Variants in ADGRA3 observed in about 807,000 individuals in gnomAD.
The protein encoded by ADGRA3 is adhesion G protein-coupled receptor A3, also known as G-protein coupled receptor 125.
In ADGRA3, 56 loss-of-function variants were observed where a neutral mutation model predicts 119.8. The observed-to-expected ratio is 0.47, with a 90% CI of 0.38 to 0.58. ADGRA3 has a LOEUF of 0.58. Ranked by LOEUF, ADGRA3 falls within the 20% of genes least tolerant of loss-of-function variation. The probability of loss-of-function intolerance (pLI) is 0.00; values close to 1 mark genes in which losing one functional copy is unlikely to be tolerated. For missense variants in ADGRA3, 1,516 were observed against 1,649.0 expected (o/e 0.92, Z 1.40); for synonymous variants, 607 against 623.8 (o/e 0.97, Z 0.40).
At chr4:22,427,536 A>AT (rs1467124782) in intron 10 of ADGRA3, among the ~76,000 whole-genome samples, 1 of 152,160 alleles carries the variant, frequency 6.6e-6, no homozygotes, top group Admixed American at 6.5e-5. Flanking sequence ...AGAACAAGCT[A>AT]TTTTTCTCAT....
intron 4 of ADGRA3, among the ~76,000 whole-genome samples, chr4:22,449,021 G>A (rs1218222645): frequency 6.6e-6 from 1 of 151,944 alleles, no homozygotes; most frequent in African/African-American, 2.4e-5. Context: ...TATAATCTCA[G>A]CAATTTGGGA....
At chr4:22,394,460 TTA>T (rs1235780407) in intron 16 of ADGRA3, 1 of 152,148 alleles carries the variant, frequency 6.6e-6, no homozygotes, top group African/African-American at 2.4e-5. Flanking sequence ...AAAGCAAAAT[TTA>T]TAGACAGAAG....
intron 9 of ADGRA3, 33 bp downstream of exon 9, chr4:22,436,407 C>A (rs373089484): frequency 6.5e-7 from 1 of 1,546,230 alleles, no homozygotes; most frequent in African/African-American, 1.4e-5. Context: ...GTTTTCTCCA[C>A]AACCCAAGTA....
chr4:22,390,766 T>C (rs1268369637), intron 17 of ADGRA3, among the ~76,000 whole-genome samples: 1 of 152,108 alleles, frequency 6.6e-6, no homozygotes, highest in Non-Finnish European at 1.5e-5. Flanking sequence ...GATACTTGTG[T>C]GTCATTTGGG....
intron 14 of ADGRA3, 87 bp downstream of exon 14, chr4:22,413,095 A>C (rs1715278865): frequency 4.7e-6 from 5 of 1,069,164 alleles, no homozygotes; most frequent in South Asian, 1.5e-5. Flanking sequence ...AAAAAAACAA[A>C]AAACAAAAAA....
At chr4:22,389,714 C>CA (rs1714030537) in intron 17 of ADGRA3, among the ~76,000 whole-genome samples, 2 of 152,218 alleles carry the variant, frequency 1.3e-5, no homozygotes, top group South Asian at 2.1e-4. Context: ...AGCAGCTTCA[C>CA]AGAGTGCAGA....
chr4:22,462,377 G>A (rs976552801), intron 2 of ADGRA3, among the ~76,000 whole-genome samples: 8 of 152,198 alleles, frequency 5.3e-5, no homozygotes, highest in Non-Finnish European at 5.9e-5. Flanking sequence ...GCAGTGGCGT[G>A]ATCCTGACTC....
intron 1 of ADGRA3, among the ~76,000 whole-genome samples, chr4:22,499,254 C>T (rs1038747715): frequency 6.6e-6 from 1 of 152,138 alleles, no homozygotes; most frequent in Non-Finnish European, 1.5e-5. Context: ...TACACGTTAG[C>T]AATGTTGTTA....
chr4:22,396,756 G>A (rs1207515846), intron 16 of ADGRA3, among the ~76,000 whole-genome samples: 3 of 82,570 alleles, frequency 3.6e-5, no homozygotes, highest in Non-Finnish European at 8.0e-5. Flanking sequence ...ACAATGAAAC[G>A]TCTAGACTTG....
intron 2 of ADGRA3, among the ~76,000 whole-genome samples, chr4:22,463,213 A>G (rs1717535400): frequency 6.6e-6 from 1 of 152,182 alleles, no homozygotes; most frequent in Non-Finnish European, 1.5e-5. Context: ...AGCTTCCAAC[A>G]CTATTCTTCA....
chr4:22,502,230 C>A (rs1719071445), intron 1 of ADGRA3, among the ~76,000 whole-genome samples: 1 of 152,126 alleles, frequency 6.6e-6, no homozygotes, highest in Non-Finnish European at 1.5e-5. Context: ...TTGCCAAATG[C>A]AATAATTAGT....
At chr4:22,432,539 C>T (rs374182086) in intron 10 of ADGRA3, among the ~76,000 whole-genome samples, 1 of 152,046 alleles carries the variant, frequency 6.6e-6, no homozygotes, top group Non-Finnish European at 1.5e-5. Flanking sequence ...TAGTGTAAGG[C>T]GCATATCGCA....
chr4:22,388,133 G>A lies in ADGRA3; in HGVS notation c.3538C>T (p.Arg1180Trp), dbSNP rs753338561. 12 of 1,613,926 alleles carry A rather than the reference G, an allele frequency of 7.4e-6. No homozygotes were observed. Among genetic ancestry groups the A allele is most frequent in the Admixed American group, 5.0e-5 (3 of 59,992 alleles). Residue 1180 changes from arginine to tryptophan, a missense_variant, in exon 19 of 19, where the codon CGG becomes TGG. Arg to Trp is a moderately radical substitution (Grantham distance 101, BLOSUM62 -3). This residue lies in a region of ADGRA3 where 1,088 missense variants were observed against 1,107.1 expected (regional missense o/e 0.98). Coordinates refer to ENST00000334304, the MANE Select transcript of ADGRA3 (RefSeq NM_145290.4). Reference sequence around the variant, plus strand: ...CTCAGGACTGTGAGTCGGCTTGCCCGGTGTCCTTTACTTCTGTTTTTATGG... The same window carrying A: ...CTCAGGACTGTGAGTCGGCTTGCCCAGTGTCCTTTACTTCTGTTTTTATGG... Reference protein sequence around the residue: ...RHHKNRSKGHRASRLTVLREY... With the variant: ...RHHKNRSKGHWASRLTVLREY...
Position 22,473,854 on chromosome 4 carries a change from C to G in ADGRA3, c.258-11G>C. 1 of 1,566,546 alleles carries G rather than the reference C, an allele frequency of 6.4e-7. No individual in the cohort carries two copies. The highest frequency in any genetic ancestry group is 8.7e-7 in the Non-Finnish European group (1 of 1,143,506). On this transcript the variant is annotated splice_polypyrimidine_tract_variant and intron_variant, in intron 1 of 18. Transcript: ENST00000334304. ...TTGTTACTCAGAATCCTAAAAAATA[C>G]CAAAAAAATAATAAGTTGCCTAATA...
Position 22,495,835 on chromosome 4 carries a change from A to G in ADGRA3, c.257+19693T>C, listed in dbSNP as rs144864108. On this transcript the variant is annotated intron_variant, in intron 1 of 18. Coordinates refer to ENST00000334304, the MANE Select transcript of ADGRA3 (RefSeq NM_145290.4). Reference sequence around the variant, plus strand: ...GAGGCAGGAGAATGGCGTGAACCCGAGAGGCGGAGCTTGCAGTGAACAGAG... The same window carrying G: ...GAGGCAGGAGAATGGCGTGAACCCGGGAGGCGGAGCTTGCAGTGAACAGAG... 6.2e-4 allele frequency among the ~76,000 whole-genome samples: 95 copies of G among 152,114 alleles called. 1 individual carries two copies. The highest frequency in any genetic ancestry group is 2.1e-3 in the African/African-American group (88 of 41,498).
At chr4:22,488,846 A>C (rs1037343511) in intron 1 of ADGRA3, among the ~76,000 whole-genome samples, 1 of 152,214 alleles carries the variant, frequency 6.6e-6, no homozygotes, top group African/African-American at 2.4e-5. Flanking sequence ...AGTATATGCA[A>C]GTAATACAAG....
chr4:22,430,216 T>C (rs1178183896), intron 10 of ADGRA3, among the ~76,000 whole-genome samples: 2 of 152,076 alleles, frequency 1.3e-5, no homozygotes, highest in African/African-American at 4.8e-5. Flanking sequence ...AATGGACTAA[T>C]ACAGTAAATT....
chr4:22,402,473 T>G (rs61791977), intron 15 of ADGRA3, among the ~76,000 whole-genome samples: 10,072 of 152,110 alleles, frequency 0.066, 354 homozygotes, highest in Middle Eastern at 0.13. Context: ...CTGGATGCTG[T>G]AAAAACAGAA....
chr4:22,405,395 C>T (rs924741203), intron 14 of ADGRA3, among the ~76,000 whole-genome samples: 14 of 151,700 alleles, frequency 9.2e-5, no homozygotes, highest in African/African-American at 3.4e-4. Flanking sequence ...AAAATAAAAA[C>T]ATTAATGGGG....
Sources: allele counts gnomAD v4.1 joint callset (sites outside exome capture counted in the v4.1 genomes callset), GRCh38; gene constraint gnomAD v4.1.1; regional missense constraint gnomAD v4.1.1; transcripts MANE v1.5; gene names NCBI Gene and HGNC (gene_info 2026-07-23, HGNC 2026-07-21).